The following ZNF521 variants were observed in gnomAD, a reference collection of about 807,000 sequenced individuals.
The protein encoded by ZNF521 is LYST-interacting protein 3.
Under a neutral mutation model 105.5 loss-of-function variants are expected in ZNF521, and 14 were observed. The ratio of observed to expected loss-of-function variants is 0.13; its 90% CI spans 0.09 to 0.21. ZNF521 has a LOEUF of 0.21. ZNF521 is among the 10% of genes least tolerant of loss of function. The pLI, the probability that ZNF521 is intolerant of heterozygous loss-of-function variation, is 1.00. For missense variants in ZNF521, 1,233 were observed against 1,629.7 expected, an observed-to-expected ratio of 0.76 and a Z score of 4.19; for synonymous variants, 635 against 606.0, an observed-to-expected ratio of 1.05 and a Z score of -0.70.
At chr18:25,268,300 A>T (rs989110529) in intron 3 of ZNF521, among the ~76,000 whole-genome samples, 1 of 152,234 alleles carries the variant, frequency 6.6e-6, no homozygotes, top group Non-Finnish European at 1.5e-5. Context: ...GACCAAATTT[A>T]TGTTTGATTG....
chr18:25,144,118 A>C (rs917524001), intron 5 of ZNF521, among the ~76,000 whole-genome samples: 7 of 152,190 alleles, frequency 4.6e-5, no homozygotes, highest in African/African-American at 1.7e-4. Context: ...CAACTCCCAC[A>C]GTGTATCCTA....
At chr18:25,092,858 C>T (rs1280867745) in intron 5 of ZNF521, among the ~76,000 whole-genome samples, 1 of 152,102 alleles carries the variant, frequency 6.6e-6, no homozygotes. Context: ...TATACATAGA[C>T]ACTGTTATTT....
chr18:25,348,175 A>G (rs1914544382), intron 2 of ZNF521, among the ~76,000 whole-genome samples: 1 of 152,188 alleles, frequency 6.6e-6, no homozygotes, highest in African/African-American at 2.4e-5. Context: ...ATTACTACTA[A>G]TATGATACCA....
At chr18:25,134,328 G>A (rs2034693817) in intron 5 of ZNF521, among the ~76,000 whole-genome samples, 1 of 152,152 alleles carries the variant, frequency 6.6e-6, no homozygotes, top group Admixed American at 6.5e-5. Flanking sequence ...CACCAGGTGT[G>A]AGGCAACATG....
intron 3 of ZNF521, among the ~76,000 whole-genome samples, chr18:25,251,541 C>T (rs537392016): frequency 8.5e-5 from 13 of 152,290 alleles, no homozygotes; most frequent in Non-Finnish European, 1.6e-4. Context: ...TACAGTGTAA[C>T]ATTATCCAAA....
At chr18:25,116,059 C>T (rs1456751955) in intron 5 of ZNF521, among the ~76,000 whole-genome samples, 1 of 152,002 alleles carries the variant, frequency 6.6e-6, no homozygotes, top group Non-Finnish European at 1.5e-5. Context: ...TTTCAGTGAC[C>T]AGGGTGGCTC....
intron 3 of ZNF521, among the ~76,000 whole-genome samples, chr18:25,266,292 C>A (rs149772982): frequency 4.3e-4 from 66 of 152,272 alleles, no homozygotes; most frequent in African/African-American, 1.4e-3. Context: ...ATCAAAGCAT[C>A]TCATGTACTC....
intron 3 of ZNF521, among the ~76,000 whole-genome samples, chr18:25,245,933 G>A (rs1907680419): frequency 1.3e-5 from 2 of 152,098 alleles, no homozygotes; most frequent in African/African-American, 4.8e-5. Flanking sequence ...GATTGCTTGA[G>A]CCCACGAGTT....
At chr18:25,313,917 A>G (rs1912462421) in intron 3 of ZNF521, among the ~76,000 whole-genome samples, 1 of 152,164 alleles carries the variant, frequency 6.6e-6, no homozygotes, top group Non-Finnish European at 1.5e-5. Flanking sequence ...CTAAAAAAAG[A>G]CATACTTTAG....
At position 25,226,812 on chromosome 18, in the gene ZNF521, G is replaced by A. The variant is rs1258754437; in HGVS notation, c.1106C>T (p.Thr369Ile). Residue 369 changes from threonine to isoleucine, a missense_variant, in exon 4 of 8, where the codon ACC becomes ATC. By Grantham distance (89) the Thr-to-Ile change is moderately conservative. Around this residue, in one of 6 missense-constraint regions of ZNF521, gnomAD observed 380 missense variants for 478.0 expected, o/e 0.80. Transcript: ENST00000361524. The surrounding 1 kb of genome is among the most constrained non-coding windows in gnomAD (Gnocchi z 4.1). ...PDSNLSVDSSTMVEAAPPIPK... is the reference protein window; with the variant it reads ...PDSNLSVDSSIMVEAAPPIPK... The stretch of plus-strand genomic sequence containing the variant: ...GATTGGCGGGGCAGCTTCCACCATG[G>A]TTGAGCTGTCCACTGAGAGGTTGGA... 1 of 1,614,038 alleles carries A rather than the reference G, an allele frequency of 6.2e-7. No individual in the cohort carries two copies. The highest frequency in any genetic ancestry group is 1.7e-5 in the Admixed American group (1 of 60,028).
intron 5 of ZNF521, among the ~76,000 whole-genome samples, chr18:25,112,921 T>G (rs2034221928): frequency 6.6e-6 from 1 of 152,044 alleles, no homozygotes; most frequent in African/African-American, 2.4e-5. Context: ...CCTTGCCTGG[T>G]CCCAGAGCAT....
chr18:25,339,625 T>G (rs144088790), intron 2 of ZNF521, among the ~76,000 whole-genome samples: 1 of 152,348 alleles, frequency 6.6e-6, no homozygotes, highest in African/African-American at 2.4e-5. Flanking sequence ...AAATATTTGT[T>G]AATTAATCAA....
chr18:25,338,331 G>A (rs1054735878), intron 2 of ZNF521, among the ~76,000 whole-genome samples: 1 of 147,844 alleles, frequency 6.8e-6, no homozygotes, highest in Non-Finnish European at 1.5e-5. Context: ...CAACAGAAAA[G>A]GCATAGGAAA....
intron 3 of ZNF521, among the ~76,000 whole-genome samples, chr18:25,256,902 T>A (rs951722287): frequency 6.6e-6 from 1 of 152,096 alleles, no homozygotes; most frequent in African/African-American, 2.4e-5. Flanking sequence ...TTATTGAGCA[T>A]GCCATTGGAC....
intron 5 of ZNF521, among the ~76,000 whole-genome samples, chr18:25,190,606 T>C (rs2035801853): frequency 6.6e-6 from 1 of 152,146 alleles, no homozygotes; most frequent in Admixed American, 6.5e-5. Flanking sequence ...GAGGTGATAC[T>C]GAAAGTCGCA....
At chr18:25,118,493 G>A (rs1045302047) in intron 5 of ZNF521, among the ~76,000 whole-genome samples, 1 of 151,906 alleles carries the variant, frequency 6.6e-6, no homozygotes, top group Non-Finnish European at 1.5e-5. Context: ...TAATACATAT[G>A]AAATCTATAT....
chr18:25,114,967 AT>A (rs1206460958), intron 5 of ZNF521, among the ~76,000 whole-genome samples: 6 of 151,854 alleles, frequency 4.0e-5, no homozygotes, highest in East Asian at 1.9e-4. Context: ...TTCTTGTTTT[AT>A]TTTTTTTCCT....
intron 3 of ZNF521, among the ~76,000 whole-genome samples, chr18:25,282,666 T>C (rs1326367045): frequency 8.5e-5 from 13 of 152,124 alleles, no homozygotes; most frequent in South Asian, 2.1e-4. Flanking sequence ...TTGAAAGGAC[T>C]AGTCAGAAGC....
chr18:25,180,350 A>G (rs1309780474), intron 5 of ZNF521, among the ~76,000 whole-genome samples: 2 of 152,210 alleles, frequency 1.3e-5, no homozygotes, highest in Non-Finnish European at 2.9e-5. Flanking sequence ...ATGTGATGGT[A>G]CATTTCAGCA....
Sources: allele counts gnomAD v4.1 joint callset (sites outside exome capture counted in the v4.1 genomes callset), GRCh38; gene constraint gnomAD v4.1.1; regional missense constraint gnomAD v4.1.1; non-coding constraint Gnocchi (gnomAD v3.1); transcripts MANE v1.5; gene names NCBI Gene and HGNC (gene_info 2026-07-23, HGNC 2026-07-21).